The following PRMT3 variants were observed in gnomAD, a reference collection of about 807,000 sequenced individuals.
The protein encoded by PRMT3 is protein arginine methyltransferase 3, also known as protein arginine N-methyltransferase 3.
PRMT3 carries 62 observed loss-of-function variants against 71.9 expected under a neutral mutation model. The observed-to-expected ratio is 0.86, with a 90% CI of 0.70 to 1.07. The LOEUF is 1.07. PRMT3 is among the 50% of genes least tolerant of loss of function. PRMT3 has a pLI of 0.00. For missense variants in PRMT3, 663 were observed against 643.0 expected (o/e 1.03, Z -0.34); for synonymous variants, 213 against 220.4 (o/e 0.97, Z 0.30).
At chr11:20,451,305 GA>G (rs544769568) in intron 10 of PRMT3, among the ~76,000 whole-genome samples, 7 of 144,758 alleles carry the variant, frequency 4.8e-5, no homozygotes, top group African/African-American at 7.6e-5. Flanking sequence ...ATGTTAAATA[GA>G]AAAAAAAAAG....
chr11:20,483,527 C>T (rs1333776207), intron 13 of PRMT3, among the ~76,000 whole-genome samples: 1 of 142,786 alleles, frequency 7.0e-6, no homozygotes, highest in Non-Finnish European at 1.5e-5. Context: ...CAGTGGGCTG[C>T]AAGCCTTTTT....
At chr11:20,508,254 G>A (rs1851641514) in intron 15 of PRMT3, 50 bp from the exon 16 acceptor site, 1 of 1,074,826 alleles carries the variant, frequency 9.3e-7, no homozygotes, top group African/African-American at 1.6e-5. Flanking sequence ...TTACTTTTCT[G>A]CTACACTGTA....
At chr11:20,414,679 C>G (rs1386885206) in intron 9 of PRMT3, among the ~76,000 whole-genome samples, 2 of 152,116 alleles carry the variant, frequency 1.3e-5, no homozygotes, top group Admixed American at 1.3e-4. Context: ...TCAGATGTTA[C>G]TGCAGAAGAG....
intron 11 of PRMT3, 118 bp from the exon 12 acceptor site, chr11:20,461,862 T>C (rs1850390826): frequency 3.6e-6 from 3 of 836,358 alleles, no homozygotes; most frequent in African/African-American, 1.7e-5. Context: ...CCTTCATTAA[T>C]CTCCCATTGC....
intron 10 of PRMT3, among the ~76,000 whole-genome samples, chr11:20,441,669 A>G (rs998792104): frequency 2.6e-5 from 4 of 151,600 alleles, no homozygotes; most frequent in Admixed American, 2.6e-4. Context: ...GTGTAAGATT[A>G]TGGAATTTTT....
chr11:20,421,175 C>T (rs1413280273), intron 9 of PRMT3, among the ~76,000 whole-genome samples: 1 of 152,108 alleles, frequency 6.6e-6, no homozygotes, highest in African/African-American at 2.4e-5. Flanking sequence ...GTAGCCGGGA[C>T]CACAGGCTCA....
chr11:20,453,318 TAAA>T (rs35130616), intron 11 of PRMT3, among the ~76,000 whole-genome samples: 9 of 96,786 alleles, frequency 9.3e-5, no homozygotes, highest in Admixed American at 2.2e-4. Flanking sequence ...CCGTCTTTAC[TAAA>T]AAAAAAAAAA....
At chr11:20,417,856 G>C (rs908904013) in intron 9 of PRMT3, among the ~76,000 whole-genome samples, 1 of 151,990 alleles carries the variant, frequency 6.6e-6, no homozygotes, top group Non-Finnish European at 1.5e-5. Flanking sequence ...ACACATCTTT[G>C]TGTATGCTGT....
intron 15 of PRMT3, among the ~76,000 whole-genome samples, chr11:20,497,099 G>T (rs928090440): frequency 6.6e-6 from 1 of 152,048 alleles, no homozygotes; most frequent in Non-Finnish European, 1.5e-5. Context: ...GAATTTTAAA[G>T]GCAGTACTAG....
chr11:20,397,821 G>C lies in PRMT3; in HGVS notation c.705+100G>C, dbSNP rs1590032575. 4.7e-6 allele frequency: 6 copies of C among 1,269,580 alleles called. No homozygotes were observed. In the Admixed American group the frequency reaches 1.8e-4, roughly 37 times the overall value. The allele number at this position is 1,269,580 out of a possible 1,614,324, so 78.6% of individuals were successfully genotyped here. On this transcript the variant is annotated intron_variant, in intron 7 of 15. Transcript: ENST00000331079. Reference sequence around the variant, plus strand: ...GCACTATAGGAGACCTCTTTTTTTTGGGTGGGGAGAACTGCTTTTTAAACA... The same window carrying C: ...GCACTATAGGAGACCTCTTTTTTTTCGGTGGGGAGAACTGCTTTTTAAACA...
At chr11:20,398,127 A>G (rs1042150203) in intron 7 of PRMT3, among the ~76,000 whole-genome samples, 1 of 152,074 alleles carries the variant, frequency 6.6e-6, no homozygotes, top group African/African-American at 2.4e-5. Context: ...AAAAACGACA[A>G]TTTTAGTCTT....
At chr11:20,391,001 GATC>G (rs1848701173) in intron 3 of PRMT3, among the ~76,000 whole-genome samples, 1 of 151,290 alleles carries the variant, frequency 6.6e-6, no homozygotes, top group Non-Finnish European at 1.5e-5. Context: ...AGTGAGCTAA[GATC>G]ATGCCACTGC....
chr11:20,418,576 A>T (rs138683034), intron 9 of PRMT3, among the ~76,000 whole-genome samples: 1 of 152,320 alleles, frequency 6.6e-6, no homozygotes, highest in East Asian at 1.9e-4. Flanking sequence ...TTTACAGAAC[A>T]CAGATCTTGT....
intron 15 of PRMT3, 116 bp downstream of exon 15, chr11:20,494,370 G>T: frequency 2.3e-6 from 2 of 884,964 alleles, no homozygotes; most frequent in Non-Finnish European, 3.5e-6. Context: ...ACGGAGTCTC[G>T]CTGTCTCACC....
intron 13 of PRMT3, among the ~76,000 whole-genome samples, chr11:20,478,843 C>T (rs1375054006): frequency 6.6e-6 from 1 of 152,204 alleles, no homozygotes; most frequent in Non-Finnish European, 1.5e-5. Flanking sequence ...AAATCTCTGA[C>T]AGCAGAATCC....
intron 13 of PRMT3, among the ~76,000 whole-genome samples, chr11:20,479,490 A>T (rs1255970982): frequency 6.6e-6 from 1 of 152,208 alleles, no homozygotes; most frequent in Non-Finnish European, 1.5e-5. Context: ...ATTTGGTTAC[A>T]TGTGATAAGG....
At position 20,387,754 on chromosome 11, in the gene PRMT3, C is replaced by T. The variant is rs1423378189; in HGVS notation, c.8C>T (p.Ser3Leu). MCSLASGATGGRG... is the reference protein window; with the variant it reads MCLLASGATGGRG... Reference sequence around the variant, plus strand: ...TCTCGGGGCACCACAGCCATGTGCTCGTTAGCGTCAGGCGCTACCGGTGGG... The same window carrying T: ...TCTCGGGGCACCACAGCCATGTGCTTGTTAGCGTCAGGCGCTACCGGTGGG... Residue 3 changes from serine to leucine, a missense_variant, in exon 1 of 16, where the codon TCG becomes TTG. Transcript: ENST00000331079. This position sits in a 1 kb window ranked among gnomAD's most constrained non-coding sequence, Gnocchi z 4.3. 2 of 1,541,478 alleles carry T rather than the reference C, an allele frequency of 1.3e-6. No individual in the cohort carries two copies. The highest frequency in any genetic ancestry group is 2.4e-5 in the East Asian group (1 of 40,846).
At chr11:20,468,290 G>C (rs1171968073) in intron 13 of PRMT3, among the ~76,000 whole-genome samples, 5 of 152,154 alleles carry the variant, frequency 3.3e-5, no homozygotes, top group African/African-American at 1.2e-4. Flanking sequence ...ACTAATTAAA[G>C]TGGAGAATTT....
intron 12 of PRMT3, among the ~76,000 whole-genome samples, chr11:20,462,567 C>G (rs1386357365): frequency 6.6e-6 from 1 of 152,172 alleles, no homozygotes; most frequent in Non-Finnish European, 1.5e-5. Flanking sequence ...TTTAACTTCT[C>G]TCATTCAGAT....
Sources: allele counts gnomAD v4.1 joint callset (sites outside exome capture counted in the v4.1 genomes callset), GRCh38; gene constraint gnomAD v4.1.1; non-coding constraint Gnocchi (gnomAD v3.1); transcripts MANE v1.5; gene names NCBI Gene and HGNC (gene_info 2026-07-23, HGNC 2026-07-21).